The following DUSP22 variants were observed in gnomAD, a reference collection of about 807,000 sequenced individuals.
DUSP22 encodes dual specificity protein phosphatase 22.
In DUSP22, 24 loss-of-function variants were observed where a neutral mutation model predicts 24.5. The ratio of observed to expected loss-of-function variants is 0.98; its 90% CI spans 0.71 to 1.38. The LOEUF (loss-of-function observed/expected upper bound fraction) is 1.38. Among genes scored for constraint, DUSP22 ranks in the 40% most tolerant of loss-of-function variants. DUSP22 has a pLI of 0.00. For synonymous variants in DUSP22, 160 were observed against 106.4 expected (o/e 1.50, Z -3.10); for missense variants, 330 against 269.2 (o/e 1.23, Z -1.58).
At position 311,638 on chromosome 6, in the gene DUSP22, C is replaced by T. The variant is rs201078094; in HGVS notation, c.56-242C>T. The stretch of plus-strand genomic sequence containing the variant: ...GAGCTTGCAGTGAGCCGAGATGGCG[C>T]CACTGCACTCCAGCCTGGGCGACAG... On this transcript the variant is annotated intron_variant, in intron 2 of 6. Transcript: ENST00000419235. Among the ~76,000 whole-genome samples the T allele has an allele frequency of 1.1e-4, 17 of 152,382 alleles. No individual in the cohort carries two copies. In the East Asian group the frequency reaches 3.1e-3, roughly 28 times the overall value.
At position 349,741 on chromosome 6, in the gene DUSP22, T is replaced by C; in HGVS notation, c.*790T>C. On this transcript the variant is annotated 3_prime_UTR_variant, in exon 7 of 7. Transcript: ENST00000419235. ...CAATGTGAATGCACCAGGCTGAGGGTTCCCTAGCGCCTTGAGTCAAGGCCA... is the reference window on the plus strand; with the variant it reads ...CAATGTGAATGCACCAGGCTGAGGGCTCCCTAGCGCCTTGAGTCAAGGCCA... 1 of 986,080 alleles carries C rather than the reference T, an allele frequency of 1.0e-6. No homozygotes were observed. The allele number at this position is 986,080 out of a possible 1,614,324, so 61.1% of individuals were successfully genotyped here.
intron 1 of DUSP22, among the ~76,000 whole-genome samples, chr6:299,878 G>A (rs1049594424): frequency 8.5e-5 from 13 of 152,288 alleles, no homozygotes; most frequent in Admixed American, 3.3e-4. Context: ...CCCTGGCACA[G>A]CTCGTATCAG....
At chr6:341,363 T>A (rs1480573051) in intron 4 of DUSP22, among the ~76,000 whole-genome samples, 1 of 152,306 alleles carries the variant, frequency 6.6e-6, no homozygotes, top group African/African-American at 2.4e-5. Flanking sequence ...CTTCTGCTTC[T>A]AACTGCAGTT....
intron 3 of DUSP22, among the ~76,000 whole-genome samples, chr6:321,306 T>C (rs1327669139): frequency 6.6e-6 from 1 of 152,258 alleles, no homozygotes; most frequent in Non-Finnish European, 1.5e-5. Context: ...AAAGACATTG[T>C]TTGTTAAGCT....
chr6:330,023 G>A (rs921163614), intron 3 of DUSP22, among the ~76,000 whole-genome samples: 1 of 152,294 alleles, frequency 6.6e-6, no homozygotes. Context: ...GAGGGTCAGT[G>A]TGAATACAGA....
intron 4 of DUSP22, chr6:337,304 T>G (rs1263005458): frequency 1.3e-5 from 2 of 152,474 alleles, no homozygotes; most frequent in Non-Finnish European, 2.9e-5. Flanking sequence ...ATGCCTGCCC[T>G]CAGGGTTTTT....
At position 351,119 on chromosome 6, in the gene DUSP22, G is replaced by C; in HGVS notation, c.*2168G>C. 1 of 598,254 alleles carries C rather than the reference G, an allele frequency of 1.7e-6. No individual in the cohort carries two copies. Among genetic ancestry groups the C allele is most frequent in the South Asian group, 2.1e-5 (1 of 47,540 alleles). 37.1% of individuals were successfully genotyped at this position (598,254 alleles called of 1,614,324 possible). ...GCTTGGATGCCTGTAAGGATCCCGGGAGCCTTGCCGCACTGCCTTGTGGGT... is the reference window on the plus strand; with the variant it reads ...GCTTGGATGCCTGTAAGGATCCCGGCAGCCTTGCCGCACTGCCTTGTGGGT... On this transcript the variant is annotated 3_prime_UTR_variant, in exon 7 of 7. Coordinates refer to ENST00000419235, the MANE Select transcript of DUSP22 (RefSeq NM_001286555.3).
At chr6:336,032 G>A (rs1759348289) in intron 4 of DUSP22, among the ~76,000 whole-genome samples, 1 of 152,308 alleles carries the variant, frequency 6.6e-6, no homozygotes, top group South Asian at 2.1e-4. Context: ...AGGGCTCTGG[G>A]GACCCGTGGC....
chr6:331,668 G>C (rs1295001424), intron 3 of DUSP22, among the ~76,000 whole-genome samples: 1 of 152,298 alleles, frequency 6.6e-6, no homozygotes, highest in Non-Finnish European at 1.5e-5. Context: ...GCTGCTTTCT[G>C]AATTAGTAAT....
intron 1 of DUSP22, 117 bp from the exon 2 acceptor site, chr6:304,511 C>G (rs1014051830): frequency 2.1e-6 from 3 of 1,456,482 alleles, no homozygotes; most frequent in East Asian, 4.6e-5. Context: ...CAGGGAGGTG[C>G]TGTACTGGGG....
chr6:340,515 A>G (rs1280207829), intron 4 of DUSP22, among the ~76,000 whole-genome samples: 1 of 152,426 alleles, frequency 6.6e-6, no homozygotes, highest in South Asian at 2.1e-4. Context: ...TGCTATTAGA[A>G]AACAAGCAAA....
intron 1 of DUSP22, among the ~76,000 whole-genome samples, chr6:297,744 T>C (rs1486679106): frequency 6.6e-6 from 1 of 152,304 alleles, no homozygotes; most frequent in African/African-American, 2.4e-5. Context: ...TGGAGAGTTA[T>C]CAAAAGGTGG....
chr6:346,184 GT>G (rs564350196), intron 5 of DUSP22, among the ~76,000 whole-genome samples: 39 of 152,284 alleles, frequency 2.6e-4, no homozygotes, highest in Admixed American at 7.8e-4. Flanking sequence ...GACCGTGAAG[GT>G]TACTGGACAA....
chr6:298,894 A>T (rs954228086), intron 1 of DUSP22, among the ~76,000 whole-genome samples: 4 of 152,300 alleles, frequency 2.6e-5, no homozygotes, highest in African/African-American at 7.2e-5. Flanking sequence ...AAGTAAGGAA[A>T]TGAATACAGC....
intron 3 of DUSP22, chr6:325,668 G>A (rs78490586): frequency 8.2e-6 from 2 of 245,196 alleles, no homozygotes. Context: ...CGTGTGTGCA[G>A]TGCTGTACCT....
chr6:296,689 C>G (rs1224778858), intron 1 of DUSP22, among the ~76,000 whole-genome samples: 1 of 152,276 alleles, frequency 6.6e-6, no homozygotes, highest in Non-Finnish European at 1.5e-5. Flanking sequence ...CCATTAAAAA[C>G]AAAACAAACG....
chr6:318,530 C>T (rs1342004117), intron 3 of DUSP22, among the ~76,000 whole-genome samples: 1 of 152,250 alleles, frequency 6.6e-6, no homozygotes, highest in Non-Finnish European at 1.5e-5. Context: ...CCTCAGCTCT[C>T]AGGACCCCAG....
chr6:329,715 G>A (rs1759055727), intron 3 of DUSP22, among the ~76,000 whole-genome samples: 4 of 152,302 alleles, frequency 2.6e-5, no homozygotes, highest in Admixed American at 2.6e-4. Flanking sequence ...CCCTCCCAAA[G>A]TGCTGGGATT....
At chr6:346,554 T>C (rs1325233316) in intron 5 of DUSP22, among the ~76,000 whole-genome samples, 1 of 152,300 alleles carries the variant, frequency 6.6e-6, no homozygotes, top group Non-Finnish European at 1.5e-5. Flanking sequence ...TTAGTGAAAG[T>C]GGGATGGCAT....
Sources: allele counts gnomAD v4.1 joint callset (sites outside exome capture counted in the v4.1 genomes callset), GRCh38; gene constraint gnomAD v4.1.1; transcripts MANE v1.5; gene names NCBI Gene and HGNC (gene_info 2026-07-23, HGNC 2026-07-21).